ARK2C: variants seen among roughly 807,000 people sequenced by gnomAD.
The protein encoded by ARK2C is arkadia (RNF111) C-terminal like ring finger ubiquitin ligase 2C, also known as E3 ubiquitin-protein ligase ARK2C.
At chr18:46,409,334 G>A in the ARK2C span, among the ~76,000 whole-genome samples, 3,001 of 152,286 alleles carry the variant, frequency 0.02, 48 homozygotes, top group East Asian at 0.094. Context: ...TGAGATTGAC[G>A]TGATCTTCTG....
the ARK2C span, among the ~76,000 whole-genome samples, chr18:46,363,598 A>G: frequency 1.3e-5 from 2 of 152,192 alleles, no homozygotes; most frequent in Admixed American, 1.3e-4. Flanking sequence ...CTCAGTGTAC[A>G]GCCCCATCAC....
At chr18:46,345,623 G>T in the ARK2C span, among the ~76,000 whole-genome samples, 1 of 152,224 alleles carries the variant, frequency 6.6e-6, no homozygotes, top group Non-Finnish European at 1.5e-5. Flanking sequence ...GCAAAACAGG[G>T]CTTGGGCCTG....
the ARK2C span, among the ~76,000 whole-genome samples, chr18:46,347,979 A>T: frequency 2.3e-3 from 355 of 152,282 alleles, 3 homozygotes; most frequent in Non-Finnish European, 2.1e-3. Flanking sequence ...GCAGTAGCAG[A>T]TGCTCACGTA....
the ARK2C span, chr18:46,337,579 G>T: frequency 1.0e-6 from 1 of 984,892 alleles, no homozygotes; most frequent in East Asian, 1.1e-4. Flanking sequence ...TGTGCATGAC[G>T]ACATTGTTAC....
the ARK2C span, among the ~76,000 whole-genome samples, chr18:46,344,638 C>T: frequency 6.6e-6 from 1 of 152,164 alleles, no homozygotes; most frequent in Non-Finnish European, 1.5e-5. Flanking sequence ...TGGGCTCATT[C>T]CCTGGAGGGG....
chr18:46,347,106 G>A, the ARK2C span, among the ~76,000 whole-genome samples: 2 of 152,140 alleles, frequency 1.3e-5, no homozygotes, highest in Non-Finnish European at 2.9e-5. Flanking sequence ...AGGGCCTCCC[G>A]GAGGAGGCAG....
At chr18:46,380,690 A>G in the ARK2C span, among the ~76,000 whole-genome samples, 1 of 152,164 alleles carries the variant, frequency 6.6e-6, no homozygotes, top group South Asian at 2.1e-4. Flanking sequence ...TCCAACCCCC[A>G]GTATCTGAGA....
chr18:46,372,715 G>A, the ARK2C span, among the ~76,000 whole-genome samples: 1 of 152,208 alleles, frequency 6.6e-6, no homozygotes, highest in East Asian at 1.9e-4. Flanking sequence ...CTGGCTAATA[G>A]GAACAAAAAG....
the ARK2C span, among the ~76,000 whole-genome samples, chr18:46,387,978 C>T: frequency 7.9e-5 from 12 of 152,240 alleles, no homozygotes; most frequent in Admixed American, 7.9e-4. Flanking sequence ...GAACAATCCC[C>T]ACAGGCTGGG....
At chr18:46,347,124 G>C in the ARK2C span, among the ~76,000 whole-genome samples, 1 of 152,208 alleles carries the variant, frequency 6.6e-6, no homozygotes, top group Non-Finnish European at 1.5e-5. Flanking sequence ...CAGGACTGGA[G>C]CTGTTCCCCG....
the ARK2C span, among the ~76,000 whole-genome samples, chr18:46,366,292 C>CAAA: frequency 0.062 from 3,369 of 54,468 alleles, 375 homozygotes; most frequent in East Asian, 0.14. Context: ...AACTCTGGCT[C>CAAA]AAAAAAAAAA....
chr18:46,452,562 G>A, the ARK2C span, among the ~76,000 whole-genome samples: 1 of 152,146 alleles, frequency 6.6e-6, no homozygotes, highest in Non-Finnish European at 1.5e-5. Flanking sequence ...TTACAGGCAT[G>A]AGCCACCATG....
chr18:46,355,563 C>G, the ARK2C span, among the ~76,000 whole-genome samples: 1 of 152,230 alleles, frequency 6.6e-6, no homozygotes, highest in African/African-American at 2.4e-5. Flanking sequence ...GCGGTCCCAG[C>G]TCCCATCTGT....
the ARK2C span, among the ~76,000 whole-genome samples, chr18:46,443,824 A>G: frequency 1.3e-5 from 2 of 152,212 alleles, no homozygotes; most frequent in Admixed American, 1.3e-4. Context: ...TATGTCCCAC[A>G]TGATTATCAT....
chr18:46,447,467 C>T, the ARK2C span: 1 of 1,404,460 alleles, frequency 7.1e-7, no homozygotes, highest in Non-Finnish European at 1.0e-6. Context: ...CAGGGTGTCA[C>T]TCCAATTCTA....
the ARK2C span, among the ~76,000 whole-genome samples, chr18:46,353,769 C>T: frequency 6.6e-6 from 1 of 152,128 alleles, no homozygotes; most frequent in African/African-American, 2.4e-5. Flanking sequence ...GGAAAGGAAA[C>T]GGGCCCTCCA....
chr18:46,427,765 G>A, the ARK2C span, among the ~76,000 whole-genome samples: 1 of 152,246 alleles, frequency 6.6e-6, no homozygotes, highest in Non-Finnish European at 1.5e-5. Flanking sequence ...AAGACACGAA[G>A]CCCAGCCTGG....
At chr18:46,376,182 A>T in the ARK2C span, among the ~76,000 whole-genome samples, 318 of 152,362 alleles carry the variant, frequency 2.1e-3, 7 homozygotes, top group Non-Finnish European at 1.7e-3. Context: ...CCTTGGCAGC[A>T]AAACGGTCAC....
At chr18:46,460,345 G>C in the ARK2C span, 8 of 152,116 alleles carry the variant, frequency 5.3e-5, no homozygotes, top group African/African-American at 1.9e-4. Context: ...AAATGCTAGA[G>C]CGATTTCAGC....
Sources: gnomAD v4.1 joint callset for allele counts (sites outside exome capture counted in the v4.1 genomes callset) on GRCh38, gnomAD v4.1.1 for gene constraint, MANE v1.5 for transcripts, NCBI Gene and HGNC (gene_info 2026-07-23, HGNC 2026-07-21) for gene names.